GABRB2: variants seen among roughly 807,000 people sequenced by gnomAD.
The protein encoded by GABRB2 is gamma-aminobutyric acid receptor subunit beta-2.
In GABRB2, 16 loss-of-function variants were observed where a neutral mutation model predicts 54.7. The observed-to-expected ratio is 0.29, with a 90% CI of 0.20 to 0.44. The LOEUF (loss-of-function observed/expected upper bound fraction) is 0.44, where lower values mean the gene tolerates loss of function less well. Among genes scored for constraint, GABRB2 ranks in the 20% least tolerant of loss-of-function variants. The pLI is 1.00. For synonymous variants in GABRB2, 244 were observed against 233.8 expected (o/e 1.04, Z -0.40); for missense variants, 355 against 644.0 (o/e 0.55, Z 4.86).
intron 9 of GABRB2, 40 bp downstream of exon 9, chr5:161,326,328 C>A (rs748476413): frequency 6.2e-7 from 1 of 1,605,738 alleles, no homozygotes; most frequent in Admixed American, 1.7e-5. Context: ...TTGGCCCCAA[C>A]AGAAATACAA....
chr5:161,537,823 C>G (rs1305261472), intron 3 of GABRB2, among the ~76,000 whole-genome samples: 1 of 152,082 alleles, frequency 6.6e-6, no homozygotes. Context: ...TTGATCCCCA[C>G]CTACGGCTTC....
At chr5:161,330,818 A>G (rs1161727455) in intron 8 of GABRB2, 65 bp downstream of exon 8, 1 of 1,604,322 alleles carries the variant, frequency 6.2e-7, no homozygotes, top group Admixed American at 1.7e-5. Context: ...CAAGGTCATC[A>G]ACCTGTATTG....
chr5:161,314,593 TATA>T (rs1374926315), intron 9 of GABRB2, among the ~76,000 whole-genome samples: 1 of 152,144 alleles, frequency 6.6e-6, no homozygotes, highest in African/African-American at 2.4e-5. Flanking sequence ...AATAATTGAA[TATA>T]ATAATAAAAT....
chr5:161,546,604 A>G lies in GABRB2; in HGVS notation c.40T>C (p.Ser14Pro), dbSNP rs1252976455. Residue 14 changes from serine (S) to proline (P), a missense_variant, in exon 1 of 10, where the codon TCC (serine) becomes CCC (proline). Ser to Pro is a moderately conservative substitution (Grantham distance 74). Coordinates refer to ENST00000393959, the MANE Select transcript of GABRB2 (RefSeq NM_001371727.1). ...VRKRGYFGIW[S>P]FPLIIAAVCA... ...ACAGCGGCGATTATTAAGGGGAAGG[A>G]CCAAATCCCAAAGTAGCCCCTTTTC... The G allele has an allele frequency of 1.2e-6, 2 of 1,601,168 alleles. No individual in the cohort carries two copies. The highest frequency in any genetic ancestry group is 1.7e-4 in the Middle Eastern group (1 of 6,042).
At chr5:161,453,008 A>T (rs1408408831) in intron 4 of GABRB2, among the ~76,000 whole-genome samples, 1 of 152,146 alleles carries the variant, frequency 6.6e-6, no homozygotes, top group Non-Finnish European at 1.5e-5. Flanking sequence ...ACACAAAAAA[A>T]TTTCTGTATT....
chr5:161,533,321 T>G (rs1176303458), intron 3 of GABRB2, among the ~76,000 whole-genome samples: 1 of 152,166 alleles, frequency 6.6e-6, no homozygotes, highest in African/African-American at 2.4e-5. Context: ...GGAAGCAACA[T>G]AAATCCTTCA....
At chr5:161,456,349 A>T (rs1262111005) in intron 4 of GABRB2, among the ~76,000 whole-genome samples, 1 of 152,144 alleles carries the variant, frequency 6.6e-6, no homozygotes. Flanking sequence ...CTAATAATGC[A>T]CCTTTCATAG....
At chr5:161,328,475 T>G in intron 8 of GABRB2, among the ~76,000 whole-genome samples, 1 of 152,170 alleles carries the variant, frequency 6.6e-6, no homozygotes, top group Non-Finnish European at 1.5e-5. Flanking sequence ...GTTTCACAGA[T>G]GAGAAAACTA....
At chr5:161,346,997 C>T (rs909367696) in intron 5 of GABRB2, among the ~76,000 whole-genome samples, 1 of 152,048 alleles carries the variant, frequency 6.6e-6, no homozygotes, top group Non-Finnish European at 1.5e-5. Flanking sequence ...AAGAGAGAAA[C>T]TTCGGAGGTG....
chr5:161,309,241 T>C (rs189256325), intron 9 of GABRB2, among the ~76,000 whole-genome samples: 1 of 152,134 alleles, frequency 6.6e-6, no homozygotes, highest in East Asian at 1.9e-4. Context: ...ATATGGCCAA[T>C]AATCATATGA....
intron 3 of GABRB2, among the ~76,000 whole-genome samples, chr5:161,523,010 A>G (rs72815505): frequency 0.092 from 13,912 of 151,516 alleles, 845 homozygotes; most frequent in Middle Eastern, 0.16. Context: ...GATAATTTTA[A>G]TAAGCCTTAT....
chr5:161,508,301 A>G (rs1256344025), intron 3 of GABRB2, among the ~76,000 whole-genome samples: 1 of 149,864 alleles, frequency 6.7e-6, no homozygotes, highest in Non-Finnish European at 1.5e-5. Flanking sequence ...GACATAGCAA[A>G]GTAGATACCA....
At chr5:161,492,181 G>C (rs1040153931) in intron 3 of GABRB2, among the ~76,000 whole-genome samples, 9 of 151,488 alleles carry the variant, frequency 5.9e-5, no homozygotes, top group Non-Finnish European at 1.0e-4. Context: ...TCTTAAAATT[G>C]ACTCATAAAA....
At chr5:161,514,801 TTGAA>T (rs375931065) in intron 3 of GABRB2, among the ~76,000 whole-genome samples, 2 of 152,296 alleles carry the variant, frequency 1.3e-5, no homozygotes, top group African/African-American at 4.8e-5. Flanking sequence ...AAGCCTTCGC[TTGAA>T]TTTTGAATCA....
At chr5:161,404,978 A>G (rs1432377537) in intron 5 of GABRB2, among the ~76,000 whole-genome samples, 1 of 152,174 alleles carries the variant, frequency 6.6e-6, no homozygotes, top group Non-Finnish European at 1.5e-5. Context: ...ACGGCAGCCC[A>G]TCTGACTTTT....
chr5:161,419,727 TGTTCCTCAC>T (rs770212624), intron 4 of GABRB2, among the ~76,000 whole-genome samples: 14 of 152,218 alleles, frequency 9.2e-5, no homozygotes, highest in Non-Finnish European at 1.3e-4. Context: ...AAATACGGCA[TGTTCCTCAC>T]TTGTAAGTGG....
chr5:161,296,206 G>A (rs1442229025), intron 9 of GABRB2, among the ~76,000 whole-genome samples: 1 of 152,136 alleles, frequency 6.6e-6, no homozygotes, highest in Non-Finnish European at 1.5e-5. Context: ...AACACTTAAG[G>A]AAAGTAAACC....
chr5:161,318,198 G>C (rs1237872496), intron 9 of GABRB2, among the ~76,000 whole-genome samples: 1 of 151,920 alleles, frequency 6.6e-6, no homozygotes, highest in African/African-American at 2.4e-5. Context: ...AGATTGGTAA[G>C]AGAGAGAGAA....
intron 3 of GABRB2, among the ~76,000 whole-genome samples, chr5:161,472,525 G>T (rs1418637276): frequency 6.6e-6 from 1 of 151,616 alleles, no homozygotes; most frequent in South Asian, 2.1e-4. Flanking sequence ...TTTCTCGGGT[G>T]GGGGTGGGGA....
Sources: allele counts gnomAD v4.1 joint callset (sites outside exome capture counted in the v4.1 genomes callset), GRCh38; gene constraint gnomAD v4.1.1; transcripts MANE v1.5; gene names NCBI Gene and HGNC (gene_info 2026-07-23, HGNC 2026-07-21).